Variants in TYMS observed in about 807,000 individuals in gnomAD.
TYMS encodes thymidylate synthetase, also known as thymidylate synthase.
In TYMS, 21 loss-of-function variants were observed where a neutral mutation model predicts 39.3. The ratio of observed to expected loss-of-function variants is 0.54; its 90% confidence interval spans 0.38 to 0.77. TYMS has a LOEUF of 0.77. Among genes scored for constraint, TYMS ranks in the 30% least tolerant of loss-of-function variants. The pLI, the probability that TYMS is intolerant of heterozygous loss-of-function variation, is 0.00. For missense variants in TYMS, 273 were observed against 406.7 expected, an observed-to-expected ratio of 0.67 and a Z score of 2.83; for synonymous variants, 171 against 162.2, an observed-to-expected ratio of 1.05 and a Z score of -0.41.
In TYMS at chr18:658,227, G is replaced by A. The variant is rs748922826; in HGVS notation, c.205+280G>A. ...CTCGCAGTCGCCCCAGTGATGCCGT[G>A]GCCCCCGAGGCGGGCGTCATCGGGC... On this transcript the variant is annotated intron_variant, in intron 1 of 6. Coordinates refer to ENST00000323274, the MANE Select transcript of TYMS (RefSeq NM_001071.4). The surrounding 1 kb of genome is among the most constrained non-coding windows in gnomAD (Gnocchi z 4.5). 14 of 1,506,910 alleles carry A rather than the reference G, an allele frequency of 9.3e-6. No individual in the cohort carries two copies. In the Admixed American group the frequency reaches 2.6e-4, roughly 28 times the overall value. 93.3% of individuals were successfully genotyped at this position (1,506,910 alleles called of 1,614,324 possible). A position where few individuals can be genotyped will look rare whatever the true frequency, so the allele number is the denominator to read the frequency against.
chr18:657,930 C>T lies in TYMS; in HGVS notation c.188C>T (p.Ala63Val), dbSNP rs1350646379. The change falls in exon 1 of 7, where the codon GCG (alanine) becomes GTG (valine). Residue 63 changes from alanine (A) to valine (V), a missense_variant. By Grantham distance (64) the Ala-to-Val change is moderately conservative. Coordinates refer to ENST00000323274, the MANE Select transcript of TYMS (RefSeq NM_001071.4). ...TGTLSVFGMQ[A>V]RYSLRDEFPL... ...ACCCTGTCGGTATTCGGCATGCAGG[C>T]GCGCTACAGCCTGAGAGGTGACGCC... is the stretch of plus-strand genomic sequence containing the variant. The T allele has an allele frequency of 1.3e-6, 2 of 1,504,884 alleles. No homozygotes were observed. Among genetic ancestry groups the T allele is most frequent in the Non-Finnish European group, 1.8e-6 (2 of 1,132,868 alleles). The allele number at this position is 1,504,884 out of a possible 1,614,324, so 93.2% of individuals were successfully genotyped here.
At chr18:669,396 A>AG (rs2074938209) in intron 4 of TYMS, 2 of 404,498 alleles carry the variant, frequency 4.9e-6, no homozygotes, top group African/African-American at 5.1e-5. Context: ...TTTTTGAGAC[A>AG]GAGTTTTGCT....
intron 3 of TYMS, among the ~76,000 whole-genome samples, chr18:666,819 G>A (rs565340754): frequency 6.6e-5 from 10 of 152,388 alleles, no homozygotes; most frequent in African/African-American, 2.4e-4. Flanking sequence ...AGGGACTGGG[G>A]AACAGGGAGG....
rs1344969067 is a variant in TYMS, at chr18:670,778, A to C, written c.643A>C (p.Arg215=). 1.2e-6 allele frequency: 2 copies of C among 1,613,974 alleles called. No homozygotes were observed. Among genetic ancestry groups the C allele is most frequent in the Non-Finnish European group, 1.7e-6 (2 of 1,180,030 alleles). ...TGAGCTGTCCTGCCAGCTGTACCAG[A>C]GATCGGGAGACATGGGCCTCGGTGT... ...NSELSCQLYQ[R]SGDMGLGVPF... is the part of the protein sequence containing the mutation. The change falls in exon 5 of 7, where the codon AGA becomes CGA. Residue 215 remains arginine (R), a synonymous_variant. Transcript: ENST00000323274.
intron 3 of TYMS, among the ~76,000 whole-genome samples, chr18:666,172 A>G (rs925756139): frequency 6.7e-5 from 10 of 149,546 alleles, no homozygotes; most frequent in Non-Finnish European, 1.3e-4. Context: ...AGGTCAGATG[A>G]TTGGCACTTA....
At position 662,332 on chromosome 18, in the gene TYMS, GAA is replaced by G; in HGVS notation, c.454+13_454+14del. Reference sequence around the variant, plus strand: ...AGATATGGAATCAGGTGAGGAGATAGAACAATGCCTTCCATTTCCCGGGTGCC... The same window carrying G: ...AGATATGGAATCAGGTGAGGAGATAGCAATGCCTTCCATTTCCCGGGTGCC... On this transcript the variant is annotated intron_variant, in intron 3 of 6. Transcript: ENST00000323274. 1 of 1,587,956 alleles carries G rather than the reference GAA, an allele frequency of 6.3e-7. No individual in the cohort carries two copies. The highest frequency in any genetic ancestry group is 2.2e-5 in the East Asian group (1 of 44,454).
intron 3 of TYMS, chr18:667,818 C>T (rs2074887677): frequency 6.6e-6 from 1 of 152,068 alleles, no homozygotes; most frequent in Non-Finnish European, 1.5e-5. Context: ...TGAGGCCAGT[C>T]CCCGGGCTTA....
rs1425215397 is a variant in TYMS, at chr18:660,149, AAG to A, written c.279+438_279+439del. Among the ~76,000 whole-genome samples the A allele has an allele frequency of 1.3e-5, 2 of 152,184 alleles. No homozygotes were observed. Among genetic ancestry groups the A allele is most frequent in the African/African-American group, 2.4e-5 (1 of 41,438 alleles). On this transcript the variant is annotated intron_variant, in intron 2 of 6. Transcript: ENST00000323274. This position sits in a 1 kb window ranked among gnomAD's most constrained non-coding sequence, Gnocchi z 4.6. ...CCTTAGTGGCTCCATTTCACTCAGTAAGAGCCACGGTCCTTATGGTGTCCGTT... is the reference window on the plus strand; with the variant it reads ...CCTTAGTGGCTCCATTTCACTCAGTAAGCCACGGTCCTTATGGTGTCCGTT...
intron 6 of TYMS, chr18:672,288 C>T (rs2853538): frequency 0.4 from 60,416 of 152,072 alleles, 13,090 homozygotes; most frequent in East Asian, 0.69. Context: ...TTAAAAGTTA[C>T]TCCTTTGAGG....
Position 658,334 on chromosome 18 carries a change from C to T in TYMS, c.205+387C>T, listed in dbSNP as rs2074715973. On this transcript the variant is annotated intron_variant, in intron 1 of 6. Transcript: ENST00000323274. This position sits in a 1 kb window ranked among gnomAD's most constrained non-coding sequence, Gnocchi z 4.5. ...GGTCTCAAAGTCCTGGCTTTGGCCC[C>T]TCCTCCGTTTTCCCCTGTGGACCAT... 16 of 1,348,278 alleles carry T rather than the reference C, an allele frequency of 1.2e-5. No individual in the cohort carries two copies. Among genetic ancestry groups the T allele is most frequent in the Non-Finnish European group, 1.6e-5 (16 of 1,021,218 alleles). The allele number at this position is 1,348,278 out of a possible 1,614,324, so 83.5% of individuals were successfully genotyped here.
rs1191069264 is a variant in TYMS, at chr18:666,263, ATCGG to A, written c.455-2807_455-2804del. ...GTTCGTGCTGGGGAATGGGAAGTTC[ATCGG>A]TGGGACAAGGGACAAAATGCCCCCA... On this transcript the variant is annotated intron_variant, in intron 3 of 6. Transcript: ENST00000323274. 4.0e-5 allele frequency among the ~76,000 whole-genome samples: 6 copies of A among 151,734 alleles called. No homozygotes were observed. The East Asian group carries it at 9.8e-4, about 25-fold the overall frequency.
intron 4 of TYMS, 82 bp downstream of exon 4, chr18:669,255 G>A (rs2074931256): frequency 8.2e-7 from 1 of 1,213,916 alleles, no homozygotes. Context: ...AGGCACCTGA[G>A]GGAGGCAGGA....
chr18:671,037 T>C, intron 5 of TYMS, 170 bp downstream of exon 5: 1 of 785,586 alleles, frequency 1.3e-6, no homozygotes, highest in Non-Finnish European at 2.0e-6. Flanking sequence ...TTCTGGAAGG[T>C]TTTCTGGCCC....
rs2075147591 is a variant in TYMS at position 673,195 on chromosome 18, A to G, written c.*198A>G. On this transcript the variant is annotated 3_prime_UTR_variant, in exon 7 of 7. Transcript: ENST00000323274. ...GTTCTTTCCATAATAAAAGGCTTTG[A>G]GTTAACTCACTGAGGGTATCTGACA... The G allele has an allele frequency of 2.1e-6, 1 of 485,212 alleles. No individual in the cohort carries two copies. The highest frequency in any genetic ancestry group is 3.5e-5 in the Admixed American group (1 of 28,206). 30.1% of individuals were successfully genotyped at this position (485,212 alleles called of 1,614,324 possible).
chr18:670,051 T>A (rs1271737928), intron 4 of TYMS, among the ~76,000 whole-genome samples: 1 of 150,408 alleles, frequency 6.6e-6, no homozygotes, highest in South Asian at 2.1e-4. Context: ...ACTTATTTTT[T>A]TTTTTTTTTT....
intron 3 of TYMS, among the ~76,000 whole-genome samples, chr18:666,914 GTGATGGAGATGGTGA>G (rs2074830917): frequency 1.5e-5 from 1 of 64,910 alleles, no homozygotes; most frequent in Non-Finnish European, 4.0e-5. Flanking sequence ...GATGGTGATG[GTGATGGAGATGGTGA>G]TGGTGATGGA....
chr18:669,182 A>G lies in TYMS; in HGVS notation c.556+9A>G. Reference sequence around the variant, plus strand: ...CGCTTGGAATCCAAGAGGTTGAAAGAACCCCGTCGTCTTCATTTATACTAA... The same window carrying G: ...CGCTTGGAATCCAAGAGGTTGAAAGGACCCCGTCGTCTTCATTTATACTAA... On this transcript the variant is annotated intron_variant, in intron 4 of 6. Transcript: ENST00000323274. 6.2e-7 allele frequency: 1 copy of G among 1,612,428 alleles called. No homozygotes were observed. Among genetic ancestry groups the G allele is most frequent in the South Asian group, 1.1e-5 (1 of 91,032 alleles).
In TYMS at chr18:658,189, C is replaced by T. The variant is rs1465874234; in HGVS notation, c.205+242C>T. On this transcript the variant is annotated intron_variant, in intron 1 of 6. Coordinates refer to ENST00000323274, the MANE Select transcript of TYMS (RefSeq NM_001071.4). The surrounding 1 kb of genome is among the most constrained non-coding windows in gnomAD (Gnocchi z 4.5). The stretch of plus-strand genomic sequence containing the variant: ...CGGGAGGTAAGCCGCGTCCCAGCGG[C>T]TCCGCGGCCGGGCTCGCAGTCGCCC... 1.9e-6 allele frequency: 3 copies of T among 1,547,988 alleles called. No individual in the cohort carries two copies. Among genetic ancestry groups the T allele is most frequent in the Non-Finnish European group, 2.6e-6 (3 of 1,145,144 alleles).
At chr18:668,855 C>T (rs2144333376) in intron 3 of TYMS, among the ~76,000 whole-genome samples, 1 of 152,180 alleles carries the variant, frequency 6.6e-6, no homozygotes, top group African/African-American at 2.4e-5. Context: ...AGGAAAAAGA[C>T]TTTGTTAGGG....
Sources: allele counts gnomAD v4.1 joint callset (sites outside exome capture counted in the v4.1 genomes callset), GRCh38; gene constraint gnomAD v4.1.1; non-coding constraint Gnocchi (gnomAD v3.1); transcripts MANE v1.5; gene names NCBI Gene and HGNC (gene_info 2026-07-23, HGNC 2026-07-21).